ATP13A5: variants seen among roughly 807,000 people sequenced by gnomAD.
The protein encoded by ATP13A5 is probable cation-transporting ATPase 13A5.
ATP13A5 carries 149 observed loss-of-function variants against 150.2 expected under a neutral mutation model. That is an observed-to-expected ratio of 0.99 (90% CI 0.87 to 1.14). The LOEUF is 1.14. Ranked by LOEUF, ATP13A5 falls within the 50% of genes most tolerant of loss-of-function variation. ATP13A5 has a pLI of 0.00. For synonymous variants in ATP13A5, 497 were observed against 522.2 expected (o/e 0.95, Z 0.66); for missense variants, 1,383 against 1,449.3 (o/e 0.95, Z 0.74).
intron 1 of ATP13A5, among the ~76,000 whole-genome samples, chr3:193,377,379 TAA>T (rs1352775973): frequency 6.6e-6 from 1 of 152,242 alleles, no homozygotes; most frequent in Non-Finnish European, 1.5e-5. Context: ...ATTAAAGATG[TAA>T]AGAGAAGCAG....
intron 16 of ATP13A5, among the ~76,000 whole-genome samples, chr3:193,319,982 G>A (rs576260604): frequency 1.3e-4 from 20 of 152,204 alleles, no homozygotes; most frequent in Non-Finnish European, 2.9e-4. Flanking sequence ...AGAAAAGTTT[G>A]CCAAATCCTG....
At chr3:193,314,769 G>A (rs561737244) in intron 18 of ATP13A5, among the ~76,000 whole-genome samples, 3 of 152,296 alleles carry the variant, frequency 2.0e-5, no homozygotes, top group Non-Finnish European at 4.4e-5. Context: ...AGACAAAGAG[G>A]ATGAGATACG....
In ATP13A5 at chr3:193,290,060, C is replaced by G. The variant is rs148150838; in HGVS notation, c.2849-1G>C. The stretch of plus-strand genomic sequence containing the variant: ...TTTGGGTAGGCATGAGTTGAACTCA[C>G]TGAAAGACAAATACATTTTTTTCCT... On this transcript the variant is annotated splice_acceptor_variant, in intron 25 of 29. Coordinates refer to ENST00000342358, the MANE Select transcript of ATP13A5 (RefSeq NM_198505.4). LOFTEE classifies it high-confidence loss of function. 1 of 1,591,734 alleles carries G rather than the reference C, an allele frequency of 6.3e-7. No homozygotes were observed. The highest frequency in any genetic ancestry group is 8.5e-7 in the Non-Finnish European group (1 of 1,172,720).
intron 25 of ATP13A5, among the ~76,000 whole-genome samples, chr3:193,292,582 A>T (rs899465810): frequency 6.6e-6 from 1 of 152,168 alleles, no homozygotes; most frequent in East Asian, 1.9e-4. Flanking sequence ...GTGACTCACA[A>T]TGAGAAAATA....
At chr3:193,345,159 A>T in intron 7 of ATP13A5, 84 bp from the exon 8 acceptor site, 1 of 1,265,756 alleles carries the variant, frequency 7.9e-7, no homozygotes, top group Non-Finnish European at 1.2e-6. Context: ...ATACCAGGCC[A>T]GCTGTCACAG....
chr3:193,354,622 C>T (rs974260901), intron 5 of ATP13A5, among the ~76,000 whole-genome samples: 2 of 151,404 alleles, frequency 1.3e-5, no homozygotes, highest in Non-Finnish European at 2.9e-5. Context: ...GGACAGGGCC[C>T]TTAGTATACG....
intron 25 of ATP13A5, among the ~76,000 whole-genome samples, chr3:193,296,291 A>G (rs979328300): frequency 3.9e-5 from 6 of 152,096 alleles, no homozygotes; most frequent in African/African-American, 1.4e-4. Flanking sequence ...GAATTCACCA[A>G]TGAACCCCGT....
Position 193,334,998 on chromosome 3 carries a change from A to C in ATP13A5, c.1045T>G (p.Cys349Gly). ...LEDYRKHVLFCGTEVIQVKPS... is the reference protein window; with the variant it reads ...LEDYRKHVLFGGTEVIQVKPS... ...TTGACCTGGATAACTTCTGTTCCAC[A>C]GAAAAGGACGTGTTTCCTATAATCC... The change falls in exon 10 of 30, where the codon TGT (cysteine) becomes GGT (glycine). Residue 349 changes from cysteine to glycine, a missense_variant. By Grantham distance (159) the Cys-to-Gly change is radical. Around this residue, in one of 3 missense-constraint regions of ATP13A5, gnomAD observed 787 missense variants for 771.9 expected, o/e 1.02. Transcript: ENST00000342358. The C allele has an allele frequency of 2.5e-6, 4 of 1,613,984 alleles. No homozygotes were observed. The highest frequency in any genetic ancestry group is 3.4e-6 in the Non-Finnish European group (4 of 1,179,854).
chr3:193,324,739 T>G (rs372956586), intron 14 of ATP13A5, 125 bp downstream of exon 14: 81 of 1,027,438 alleles, frequency 7.9e-5, no homozygotes, highest in East Asian at 6.5e-4. Context: ...GTTCTGGTAG[T>G]GTTACACGCT....
chr3:193,288,999 G>A (rs1329453859), intron 26 of ATP13A5, among the ~76,000 whole-genome samples: 1 of 152,026 alleles, frequency 6.6e-6, no homozygotes, highest in Non-Finnish European at 1.5e-5. Flanking sequence ...AAAAAATCTA[G>A]TGTTTAAACA....
intron 27 of ATP13A5, 123 bp from the exon 28 acceptor site, chr3:193,279,577 T>C: frequency 1.4e-6 from 1 of 693,784 alleles, no homozygotes; most frequent in South Asian, 1.7e-5. Context: ...TGTTTTGATA[T>C]ATCCTCATAT....
At chr3:193,312,057 A>C in intron 19 of ATP13A5, 116 bp from the exon 20 acceptor site, 1 of 1,307,818 alleles carries the variant, frequency 7.6e-7, no homozygotes, top group African/African-American at 1.5e-5. Flanking sequence ...TCAGCAACAA[A>C]ATAATGTGTA....
At chr3:193,308,405 G>T (rs1055562283) in intron 21 of ATP13A5, among the ~76,000 whole-genome samples, 1 of 152,272 alleles carries the variant, frequency 6.6e-6, no homozygotes, top group Non-Finnish European at 1.5e-5. Context: ...GCTGCGGTGA[G>T]CCGATATTGC....
chr3:193,313,803 C>T, intron 19 of ATP13A5: 1 of 457,734 alleles, frequency 2.2e-6, no homozygotes, highest in African/African-American at 2.0e-5. Flanking sequence ...GTTCCTACCC[C>T]AGGGGTTCTG....
In ATP13A5 at chr3:193,331,196, T is replaced by C. The variant is rs1560136244; in HGVS notation, c.1388A>G (p.Lys463Arg). The change falls in exon 12 of 30, where the codon AAA (lysine) becomes AGA (arginine). Residue 463 changes from lysine to arginine, a missense_variant. Lys to Arg is a conservative substitution (Grantham distance 26). Transcript: ENST00000342358. ...GNVYAQKRLK[K>R]KKIFCISPQR... ...TGGGGAGATACAGAAGATTTTCTTT[T>C]TCTTCAGTCTCTTCTGAGCATACAC... is the stretch of plus-strand genomic sequence containing the variant. 1 of 1,614,152 alleles carries C rather than the reference T, an allele frequency of 6.2e-7. No individual in the cohort carries two copies. The highest frequency in any genetic ancestry group is 8.5e-7 in the Non-Finnish European group (1 of 1,179,980).
chr3:193,301,140 G>T, intron 24 of ATP13A5, 71 bp downstream of exon 24: 2 of 1,192,852 alleles, frequency 1.7e-6, no homozygotes, highest in Non-Finnish European at 2.5e-6. Context: ...TTGTATAGGA[G>T]CTACACCCTG....
chr3:193,319,771 C>A (rs1577347563), intron 16 of ATP13A5, among the ~76,000 whole-genome samples: 1 of 151,600 alleles, frequency 6.6e-6, no homozygotes, highest in African/African-American at 2.4e-5. Flanking sequence ...GATCAGGGGT[C>A]AAAAAAACAA....
Position 193,351,172 on chromosome 3 carries a change from G to A in ATP13A5, c.636C>T (p.Ala212=). The change falls in exon 7 of 30, where the codon GCC becomes GCT. Residue 212 remains alanine, a synonymous_variant. Transcript: ENST00000342358. ...GAGACAGCCACAAAGTTAGGGTGAA[G>A]GCTTGGAACACATAGAATGGATTTA... ...QVLNPFYVFQ[A]FTLTLWLSQG... 1 of 1,613,774 alleles carries A rather than the reference G, an allele frequency of 6.2e-7. No individual in the cohort carries two copies. Among genetic ancestry groups the A allele is most frequent in the Non-Finnish European group, 8.5e-7 (1 of 1,179,738 alleles).
At chr3:193,327,870 C>T (rs1719523592) in intron 12 of ATP13A5, among the ~76,000 whole-genome samples, 2 of 152,226 alleles carry the variant, frequency 1.3e-5, no homozygotes, top group Admixed American at 1.3e-4. Context: ...TGCTTCAGCA[C>T]TGCCAGGGCC....
Sources: gnomAD v4.1 joint callset for allele counts (sites outside exome capture counted in the v4.1 genomes callset) on GRCh38, gnomAD v4.1.1 for gene constraint, gnomAD v4.1.1 regional missense constraint, MANE v1.5 for transcripts, NCBI Gene and HGNC (gene_info 2026-07-23, HGNC 2026-07-21) for gene names.